Variants in PHLDB2 observed in about 807,000 individuals in gnomAD.
PHLDB2 encodes the protein pleckstrin homology like domain family B member 2, also known as pleckstrin homology-like domain family B member 2.
PHLDB2 carries 71 observed loss-of-function variants against 123.6 expected under a neutral mutation model. The observed-to-expected ratio is 0.57, with a 90% CI of 0.47 to 0.70. PHLDB2 has a LOEUF of 0.70. Among genes scored for constraint, PHLDB2 ranks in the 30% least tolerant of loss-of-function variants. PHLDB2 has a pLI of 0.00. For missense variants in PHLDB2, 1,446 were observed against 1,519.5 expected (o/e 0.95, Z 0.80); for synonymous variants, 547 against 541.6 (o/e 1.01, Z -0.14).
At chr3:111,932,072 T>C (rs2069178257) in intron 5 of PHLDB2, among the ~76,000 whole-genome samples, 197 bp from the exon 6 acceptor site, 2 of 152,220 alleles carry the variant, frequency 1.3e-5, no homozygotes, top group Non-Finnish European at 1.5e-5. Flanking sequence ...GCTTTGAGAA[T>C]GCAGAAACCC....
intron 1 of PHLDB2, among the ~76,000 whole-genome samples, chr3:111,838,545 A>T (rs1041705990): frequency 1.3e-5 from 2 of 152,196 alleles, no homozygotes; most frequent in African/African-American, 4.8e-5. Context: ...GACAGTCAAC[A>T]TGGATGAAGG....
chr3:111,781,523 A>G (rs1334877909), intron 1 of PHLDB2, among the ~76,000 whole-genome samples: 1 of 152,126 alleles, frequency 6.6e-6, no homozygotes, highest in African/African-American at 2.4e-5. Flanking sequence ...CATCTCCCCA[A>G]TAACAATGAC....
At chr3:111,751,745 G>T (rs930932666) in intron 1 of PHLDB2, among the ~76,000 whole-genome samples, 12 of 151,384 alleles carry the variant, frequency 7.9e-5, no homozygotes, top group African/African-American at 2.9e-4. Flanking sequence ...GCTAAATGAC[G>T]AGTTAATGGG....
chr3:111,779,748 G>T, intron 1 of PHLDB2: 1 of 554,108 alleles, frequency 1.8e-6, no homozygotes, highest in Non-Finnish European at 2.3e-6. Context: ...GAACATACAG[G>T]TGCATATGTT....
At chr3:111,922,966 A>T (rs1481502007) in intron 5 of PHLDB2, among the ~76,000 whole-genome samples, 2 of 151,542 alleles carry the variant, frequency 1.3e-5, no homozygotes, top group Non-Finnish European at 2.9e-5. Context: ...CTGCACCCTC[A>T]CCCCCTGGGG....
At chr3:111,911,501 G>T in intron 2 of PHLDB2, 1 of 856,202 alleles carries the variant, frequency 1.2e-6, no homozygotes, top group Non-Finnish European at 1.8e-6. Flanking sequence ...TTAAAATAAG[G>T]CAATGAAGGC....
chr3:111,886,084 A>G (rs932736073), intron 2 of PHLDB2, among the ~76,000 whole-genome samples: 7 of 152,232 alleles, frequency 4.6e-5, no homozygotes, highest in African/African-American at 1.7e-4. Context: ...AGTCTCACCA[A>G]TGAATGAGAA....
intron 5 of PHLDB2, among the ~76,000 whole-genome samples, chr3:111,924,486 A>T (rs2068704798): frequency 6.6e-6 from 1 of 152,212 alleles, no homozygotes; most frequent in African/African-American, 2.4e-5. Context: ...AACACCTGCC[A>T]AAGAGTGCAG....
chr3:111,901,116 T>C (rs1183066768), intron 2 of PHLDB2, among the ~76,000 whole-genome samples: 1 of 152,092 alleles, frequency 6.6e-6, no homozygotes, highest in Non-Finnish European at 1.5e-5. Context: ...TCCTAGCAAT[T>C]TGGGAGGCCG....
In PHLDB2 at chr3:111,970,036, T is replaced by C. The variant is rs1213157561; in HGVS notation, c.3535+127T>C. On this transcript the variant is annotated intron_variant, in intron 16 of 17. Transcript: ENST00000431670. ...AACAGAATTAATGGCAATATTAGAT[T>C]TGTAGGTGTACATTATTTTATATTT... 5.1e-6 allele frequency: 4 copies of C among 783,554 alleles called. No individual in the cohort carries two copies. In the African/African-American group the frequency reaches 5.3e-5, roughly 10 times the overall value. The allele number at this position is 783,554 out of a possible 1,614,324, so 48.5% of individuals were successfully genotyped here.
chr3:111,834,247 TATATATATAATTCTATTATATACATA>T lies in PHLDB2; in HGVS notation c.-48-11525_-48-11500del, dbSNP rs1559858382. On this transcript the variant is annotated intron_variant, in intron 1 of 17. Transcript: ENST00000393923. ...ATATATATTATGTATATAATAGAAT[TATATATATAATTCTATTATATACATA>T]ATATATATAATTCTATTATATACAT... Among the ~76,000 whole-genome samples, 117 of 93,936 alleles carry T rather than the reference TATATATATAATTCTATTATATACATA, an allele frequency of 1.2e-3. 2 individuals are homozygous for T. Among genetic ancestry groups the T allele is most frequent in the Non-Finnish European group, 1.6e-3 (94 of 59,076 alleles). The allele number at this position is 93,936 out of a possible 152,430, so 61.6% of individuals were successfully genotyped here.
intron 2 of PHLDB2, among the ~76,000 whole-genome samples, chr3:111,887,461 C>G (rs1440430376): frequency 6.6e-6 from 1 of 151,950 alleles, no homozygotes; most frequent in African/African-American, 2.4e-5. Flanking sequence ...GATGATATTG[C>G]CATTAAAAAG....
chr3:111,887,549 T>A (rs571700709), intron 2 of PHLDB2, among the ~76,000 whole-genome samples: 2 of 152,298 alleles, frequency 1.3e-5, no homozygotes, highest in African/African-American at 4.8e-5. Context: ...TTTCATTTAG[T>A]TTGCAAAATC....
chr3:111,820,065 T>C (rs973306217), intron 1 of PHLDB2, among the ~76,000 whole-genome samples: 2 of 152,128 alleles, frequency 1.3e-5, no homozygotes, highest in African/African-American at 2.4e-5. Context: ...TGGCTTGAGG[T>C]TGTTCCTCTT....
intron 1 of PHLDB2, among the ~76,000 whole-genome samples, chr3:111,879,002 C>T (rs2065803080): frequency 6.6e-6 from 1 of 152,116 alleles, no homozygotes; most frequent in African/African-American, 2.4e-5. Context: ...GGGATATTGG[C>T]CTGAAATTTT....
At chr3:111,852,918 G>A (rs982826309) in intron 2 of PHLDB2, among the ~76,000 whole-genome samples, 2 of 152,246 alleles carry the variant, frequency 1.3e-5, no homozygotes, top group Middle Eastern at 3.4e-3. Flanking sequence ...CTCATAATTA[G>A]AGAACCTACC....
rs1576912029 is a variant in PHLDB2, at chr3:111,859,318, A to G, written c.-273A>G. The G allele has an allele frequency of 1.0e-6, 1 of 985,512 alleles. No individual in the cohort carries two copies. Among genetic ancestry groups the G allele is most frequent in the Non-Finnish European group, 1.2e-6 (1 of 829,970 alleles). 61.0% of individuals were successfully genotyped at this position (985,512 alleles called of 1,614,324 possible). On this transcript the variant is annotated 5_prime_UTR_variant, in exon 1 of 18. Coordinates refer to ENST00000431670, the MANE Select transcript of PHLDB2 (RefSeq NM_001134438.2). ...AAGCTGGCGCCCAGTGATGGGGCAA[A>G]CAGCCATGCCCTTCCAGCAGCCGTG...
intron 1 of PHLDB2, among the ~76,000 whole-genome samples, chr3:111,775,889 AT>A (rs2060259864): frequency 6.6e-6 from 1 of 152,210 alleles, no homozygotes; most frequent in African/African-American, 2.4e-5. Flanking sequence ...TCTTTCTAAA[AT>A]AAGTTTTAAA....
intron 1 of PHLDB2, among the ~76,000 whole-genome samples, chr3:111,866,415 C>A (rs753671950): frequency 6.6e-6 from 1 of 152,048 alleles, no homozygotes; most frequent in Non-Finnish European, 1.5e-5. Flanking sequence ...CTGTTTGTAC[C>A]CTGACTATTC....
Sources: gnomAD v4.1 joint callset for allele counts (sites outside exome capture counted in the v4.1 genomes callset) on GRCh38, gnomAD v4.1.1 for gene constraint, MANE v1.5 for transcripts, NCBI Gene and HGNC (gene_info 2026-07-23, HGNC 2026-07-21) for gene names.